Variants in DNAH6 observed in about 807,000 individuals in gnomAD.
DNAH6 encodes the protein axonemal beta dynein heavy chain 6.
A neutral mutation model predicts 491.4 loss-of-function variants in DNAH6; 340 were observed. The observed-to-expected ratio is 0.69, with a 90% CI of 0.63 to 0.76. The LOEUF (loss-of-function observed/expected upper bound fraction) is 0.76, where lower values mean the gene tolerates loss of function less well. DNAH6 is among the 30% of genes least tolerant of loss of function. The pLI is 0.00. For synonymous variants in DNAH6, 1,603 were observed against 1,686.1 expected, an observed-to-expected ratio of 0.95 and a Z score of 1.21; for missense variants, 4,443 against 4,972.2, an observed-to-expected ratio of 0.89 and a Z score of 3.20.
At chr2:84,666,438 A>G (rs1028229831) in intron 37 of DNAH6, among the ~76,000 whole-genome samples, 3 of 152,174 alleles carry the variant, frequency 2.0e-5, no homozygotes, top group Non-Finnish European at 4.4e-5. Flanking sequence ...TAAAATCACA[A>G]GCATTCCTAT....
chr2:84,763,830 T>C (rs2105141694), intron 64 of DNAH6, among the ~76,000 whole-genome samples: 1 of 151,250 alleles, frequency 6.6e-6, no homozygotes, highest in South Asian at 2.1e-4. Context: ...GTAGTTCCAG[T>C]CTGAGTCCAA....
At chr2:84,628,631 G>A (rs970674603) in intron 29 of DNAH6, among the ~76,000 whole-genome samples, 1 of 152,130 alleles carries the variant, frequency 6.6e-6, no homozygotes, top group African/African-American at 2.4e-5. Flanking sequence ...CATATTATCT[G>A]ATTTACCTTC....
chr2:84,740,572 CT>C (rs1363167678), intron 62 of DNAH6, among the ~76,000 whole-genome samples: 2 of 152,258 alleles, frequency 1.3e-5, no homozygotes, highest in African/African-American at 2.4e-5. Flanking sequence ...CCAAGGGGGT[CT>C]TTGGTGGGCT....
chr2:84,668,271 T>G (rs1418253629), intron 37 of DNAH6, among the ~76,000 whole-genome samples: 2 of 151,970 alleles, frequency 1.3e-5, no homozygotes, highest in Admixed American at 1.3e-4. Context: ...TGGATAACAA[T>G]AAAAAAAGAA....
At chr2:84,814,763 C>G (rs912543358) in intron 75 of DNAH6, among the ~76,000 whole-genome samples, 3 of 152,212 alleles carry the variant, frequency 2.0e-5, no homozygotes, top group Admixed American at 1.3e-4. Context: ...CTGCTTGGGT[C>G]ATGTGCGCTG....
intron 66 of DNAH6, 65 bp downstream of exon 66, chr2:84,784,875 C>T (rs1677028975): frequency 4.4e-6 from 5 of 1,147,096 alleles, no homozygotes; most frequent in Non-Finnish European, 6.4e-6. Context: ...CCTAGTGCCT[C>T]CCAGGAGATC....
chr2:84,685,389 A>C lies in DNAH6; in HGVS notation c.6980A>C (p.His2327Pro), dbSNP rs1202089133. ...EEIQIFRLFCHECQRVFHDRL... is the reference protein window; with the variant it reads ...EEIQIFRLFCPECQRVFHDRL... Reference sequence around the variant, plus strand: ...ATTCAGATATTTAGACTCTTTTGCCATGAGTGCCAAAGGGTCTTCCATGAT... The same window carrying C: ...ATTCAGATATTTAGACTCTTTTGCCCTGAGTGCCAAAGGGTCTTCCATGAT... Residue 2327 changes from histidine to proline, a missense_variant, in exon 43 of 77, where the codon CAT (histidine) becomes CCT (proline). Coordinates refer to ENST00000389394, the MANE Select transcript of DNAH6 (RefSeq NM_001370.2). The C allele has an allele frequency of 6.5e-7, 1 of 1,530,422 alleles. No homozygotes were observed. Among genetic ancestry groups the C allele is most frequent in the Non-Finnish European group, 8.8e-7 (1 of 1,132,940 alleles). 94.8% of individuals were successfully genotyped at this position (1,530,422 alleles called of 1,614,324 possible). A position where few individuals can be genotyped will look rare whatever the true frequency, so the allele number is the denominator to read the frequency against.
chr2:84,581,589 A>C (rs1341724641), intron 14 of DNAH6, among the ~76,000 whole-genome samples: 2 of 152,204 alleles, frequency 1.3e-5, no homozygotes. Context: ...CATAAAATAC[A>C]TGAAACATTC....
intron 52 of DNAH6, among the ~76,000 whole-genome samples, chr2:84,706,281 C>T (rs1696421423): frequency 6.6e-6 from 1 of 152,220 alleles, no homozygotes; most frequent in Admixed American, 6.5e-5. Context: ...GCAGCGAGCA[C>T]TCAGCTCTGC....
intron 68 of DNAH6, among the ~76,000 whole-genome samples, chr2:84,790,607 A>G (rs916014192): frequency 2.6e-5 from 4 of 152,250 alleles, no homozygotes; most frequent in African/African-American, 4.8e-5. Context: ...CAAAGAAGAC[A>G]TACAAATGCC....
At chr2:84,617,898 T>A (rs1026237576) in intron 23 of DNAH6, among the ~76,000 whole-genome samples, 2 of 152,006 alleles carry the variant, frequency 1.3e-5, no homozygotes, top group Non-Finnish European at 1.5e-5. Flanking sequence ...AATCTTCCTA[T>A]CTCTAGCTGT....
At chr2:84,531,029 C>G (rs1573518827) in intron 4 of DNAH6, among the ~76,000 whole-genome samples, 1 of 152,000 alleles carries the variant, frequency 6.6e-6, no homozygotes, top group African/African-American at 2.4e-5. Context: ...TAGGAAGACA[C>G]GAGACATCAA....
At chr2:84,496,012 C>T in the DNAH6 span, among the ~76,000 whole-genome samples, 3 of 152,300 alleles carry the variant, frequency 2.0e-5, no homozygotes, top group Non-Finnish European at 2.9e-5. Flanking sequence ...AATTATATGA[C>T]GCCTCTCCCA....
intron 63 of DNAH6, among the ~76,000 whole-genome samples, chr2:84,745,738 G>C (rs1462734556): frequency 1.3e-5 from 2 of 151,356 alleles, no homozygotes; most frequent in African/African-American, 4.8e-5. Flanking sequence ...AGAGAATTAT[G>C]AAAGAGAGCC....
In DNAH6 at chr2:84,814,099, C is replaced by A; in HGVS notation, c.12127C>A (p.Gln4043Lys). The part of the protein sequence containing the change: ...IEAAKTVQFG[Q>K]ELPMDMELPS... ...AGCTGCCAAGACAGTGCAATTTGGA[C>A]AAGAACTGCCCATGGACATGGAGGT... Residue 4043 changes from glutamine (Q) to lysine (K), a missense_variant, in exon 75 of 77, where the codon CAA becomes AAA. This residue lies in a region of DNAH6 where 1,463 missense variants were observed against 1,656.6 expected (regional missense o/e 0.88). Transcript: ENST00000389394. 6.4e-7 allele frequency: 1 copy of A among 1,551,662 alleles called. No homozygotes were observed. The highest frequency in any genetic ancestry group is 2.0e-5 in the Admixed American group (1 of 51,004).
At chr2:84,507,956 G>C in the DNAH6 span, among the ~76,000 whole-genome samples, 1 of 152,326 alleles carries the variant, frequency 6.6e-6, no homozygotes, top group African/African-American at 2.4e-5. Flanking sequence ...ATGTGCTGCT[G>C]GATTTGGTTT....
chr2:84,604,656 C>G, intron 19 of DNAH6, 105 bp downstream of exon 19: 1 of 787,838 alleles, frequency 1.3e-6, no homozygotes, highest in Admixed American at 2.6e-5. Flanking sequence ...GCAGCTTTCA[C>G]TCTCTCATTA....
intron 2 of DNAH6, among the ~76,000 whole-genome samples, chr2:84,523,206 A>T (rs1423681061): frequency 6.6e-6 from 1 of 152,118 alleles, no homozygotes; most frequent in Non-Finnish European, 1.5e-5. Context: ...CCAGGAATTT[A>T]TCCATCCCCT....
intron 34 of DNAH6, 80 bp downstream of exon 34, chr2:84,653,954 T>A: frequency 1.8e-6 from 2 of 1,102,056 alleles, no homozygotes; most frequent in Non-Finnish European, 2.6e-6. Flanking sequence ...CACACTGATG[T>A]AGCCTTTACT....
Sources: allele counts gnomAD v4.1 joint callset (sites outside exome capture counted in the v4.1 genomes callset), GRCh38; gene constraint gnomAD v4.1.1; regional missense constraint gnomAD v4.1.1; transcripts MANE v1.5; gene names NCBI Gene and HGNC (gene_info 2026-07-23, HGNC 2026-07-21).